MAN2A1: variants seen among roughly 807,000 people sequenced by gnomAD.
MAN2A1 encodes the protein alpha-mannosidase 2.
Under a neutral mutation model 142.6 loss-of-function variants are expected in MAN2A1, and 76 were observed. That is an observed-to-expected ratio of 0.53 (90% CI 0.44 to 0.65). The LOEUF (loss-of-function observed/expected upper bound fraction) is 0.65, where lower values mean the gene tolerates loss of function less well. Ranked by LOEUF, MAN2A1 falls within the 30% of genes least tolerant of loss-of-function variation. The pLI is 0.00. For synonymous variants in MAN2A1, 559 were observed against 473.2 expected, an observed-to-expected ratio of 1.18 and a Z score of -2.35; for missense variants, 1,311 against 1,365.1, an observed-to-expected ratio of 0.96 and a Z score of 0.62.
At position 109,689,997 on chromosome 5, in the gene MAN2A1, T is replaced by A. The variant is rs1162127997; in HGVS notation, c.-421T>A. ...GGAGCTGCCGAACCCGCGCCTCCCC[T>A]GGGTGAGGAGGACACGCCTGCCCTC... On this transcript the variant is annotated 5_prime_UTR_variant, in exon 1 of 22. Transcript: ENST00000261483. 2.9e-5 allele frequency: 5 copies of A among 174,568 alleles called. No individual in the cohort carries two copies. In the East Asian group the frequency reaches 6.5e-4, roughly 23 times the overall value. The allele number at this position is 174,568 out of a possible 1,614,324, so 10.8% of individuals were successfully genotyped here.
In MAN2A1 at chr5:109,698,604, C is replaced by T. The variant is rs189858976; in HGVS notation, c.135+8052C>T. 1.8e-3 allele frequency among the ~76,000 whole-genome samples: 267 copies of T among 152,222 alleles called. 1 individual carries two copies. The highest frequency in any genetic ancestry group is 0.014 in the Middle Eastern group (4 of 294). On this transcript the variant is annotated intron_variant, in intron 1 of 21. Transcript: ENST00000261483. ...TATTTTTCACATGTAAATGGATTTA[C>T]CACTGGCCTCCTTTGCAGGTGGTGC... is the stretch of plus-strand genomic sequence containing the variant.
At chr5:109,794,936 C>CAAGT (rs1190305273) in intron 12 of MAN2A1, among the ~76,000 whole-genome samples, 1 of 151,922 alleles carries the variant, frequency 6.6e-6, no homozygotes, top group Non-Finnish European at 1.5e-5. Context: ...AAGCACTTTT[C>CAAGT]ATCTTGTCTG....
chr5:109,868,954 A>T lies in MAN2A1; in HGVS notation c.*1956A>T, dbSNP rs1029240011. The stretch of plus-strand genomic sequence containing the variant: ...CAGATGAAATAAAAAAAAAATCTTG[A>T]TGCAATAACAGTGGTTTTGCCACTT... On this transcript the variant is annotated 3_prime_UTR_variant, in exon 22 of 22. Transcript: ENST00000261483. The T allele has an allele frequency of 6.6e-6, 1 of 152,066 alleles. No individual in the cohort carries two copies. Among genetic ancestry groups the T allele is most frequent in the African/African-American group, 2.4e-5 (1 of 41,416 alleles). The allele number at this position is 152,066 out of a possible 1,614,324, so 9.4% of individuals were successfully genotyped here. A position where few individuals can be genotyped will look rare whatever the true frequency, so the allele number is the denominator to read the frequency against.
intron 20 of MAN2A1, among the ~76,000 whole-genome samples, chr5:109,859,171 G>A (rs1755695253): frequency 6.6e-6 from 1 of 152,214 alleles, no homozygotes; most frequent in South Asian, 2.1e-4. Flanking sequence ...TCACCCAGTG[G>A]TAAATGGCAG....
chr5:109,703,058 G>A lies in MAN2A1; in HGVS notation c.136-10462G>A, dbSNP rs150700402. Among the ~76,000 whole-genome samples, 265 of 152,226 alleles carry A rather than the reference G, an allele frequency of 1.7e-3. 1 individual carries two copies. Among genetic ancestry groups the A allele is most frequent in the African/African-American group, 6.2e-3 (256 of 41,542 alleles). ...TGATTAGTATAAATAAGGTTGAAGG[G>A]GGGTTGATTATCTACTTAATACAAC... is the stretch of plus-strand genomic sequence containing the variant. On this transcript the variant is annotated intron_variant, in intron 1 of 21. Coordinates refer to ENST00000261483, the MANE Select transcript of MAN2A1 (RefSeq NM_002372.4).
chr5:109,690,903 G>A (rs554079170), intron 1 of MAN2A1, among the ~76,000 whole-genome samples: 50 of 152,296 alleles, frequency 3.3e-4, no homozygotes, highest in African/African-American at 1.2e-3. Flanking sequence ...CGGGGCCCGC[G>A]TATCCCGGTG....
In MAN2A1 at chr5:109,836,905, G is replaced by A. The variant is rs555171631; in HGVS notation, c.2567-5423G>A. 3.3e-5 allele frequency among the ~76,000 whole-genome samples: 5 copies of A among 151,988 alleles called. 1 individual carries two copies. In the South Asian group the frequency reaches 1.0e-3, roughly 32 times the overall value. ...TAGAAAAGTATAGTATTGTGTTTGT[G>A]TCGATTTTCAGCATAGTTTATCATG... On this transcript the variant is annotated intron_variant, in intron 16 of 21. Transcript: ENST00000261483.
chr5:109,755,480 T>C (rs750402464), intron 5 of MAN2A1, 24 bp downstream of exon 5: 8 of 1,590,068 alleles, frequency 5.0e-6, no homozygotes, highest in Non-Finnish European at 6.0e-6. Flanking sequence ...TATTCTTTAT[T>C]TGGGCTATTT....
intron 16 of MAN2A1, among the ~76,000 whole-genome samples, chr5:109,841,358 A>T (rs931626153): frequency 6.6e-6 from 1 of 152,124 alleles, no homozygotes; most frequent in Non-Finnish European, 1.5e-5. Context: ...TTGCATCCTC[A>T]TAGCTTAGCT....
chr5:109,767,558 G>T lies in MAN2A1; in HGVS notation c.859G>T (p.Ala287Ser), dbSNP rs775436901. 2 of 1,612,988 alleles carry T rather than the reference G, an allele frequency of 1.2e-6. No homozygotes were observed. Among genetic ancestry groups the T allele is most frequent in the Admixed American group, 3.3e-5 (2 of 59,846 alleles). The change falls in exon 6 of 22, where the codon GCT becomes TCT. Residue 287 changes from alanine to serine, a missense_variant. Around this residue, in one of 3 missense-constraint regions of MAN2A1, gnomAD observed 409 missense variants for 412.7 expected, o/e 0.99. Coordinates refer to ENST00000261483, the MANE Select transcript of MAN2A1 (RefSeq NM_002372.4). Reference sequence around the variant, plus strand: ...AGGAGTGAAACCTCGGTCCGGCTGGGCTATTGATCCCTTTGGACACTCACC... The same window carrying T: ...AGGAGTGAAACCTCGGTCCGGCTGGTCTATTGATCCCTTTGGACACTCACC... ...NIGVKPRSGW[A>S]IDPFGHSPTM...
At chr5:109,796,450 C>T (rs1398265368) in intron 12 of MAN2A1, among the ~76,000 whole-genome samples, 9 of 152,170 alleles carry the variant, frequency 5.9e-5, no homozygotes, top group Admixed American at 5.9e-4. Flanking sequence ...CTTTTATTTT[C>T]AGCTCAACTT....
At chr5:109,714,509 T>C (rs1407097155) in intron 2 of MAN2A1, among the ~76,000 whole-genome samples, 3 of 152,212 alleles carry the variant, frequency 2.0e-5, no homozygotes, top group African/African-American at 7.2e-5. Flanking sequence ...GACAGCGCTA[T>C]TATAGAGGGC....
At chr5:109,814,721 G>C (rs570909194) in intron 12 of MAN2A1, among the ~76,000 whole-genome samples, 1 of 152,144 alleles carries the variant, frequency 6.6e-6, no homozygotes, top group South Asian at 2.1e-4. Context: ...ATTATAAAAA[G>C]TGATTTAATA....
At chr5:109,819,464 A>ATTTTTTG (rs1432389622) in intron 13 of MAN2A1, among the ~76,000 whole-genome samples, 1 of 151,514 alleles carries the variant, frequency 6.6e-6, no homozygotes. Flanking sequence ...TTTTATTTGT[A>ATTTTTTG]TTTTTTGTTT....
chr5:109,701,546 T>G (rs1021178464), intron 1 of MAN2A1, among the ~76,000 whole-genome samples: 24 of 152,182 alleles, frequency 1.6e-4, no homozygotes, highest in African/African-American at 5.1e-4. Context: ...GAATTAATTT[T>G]GTAGAAAATT....
intron 5 of MAN2A1, among the ~76,000 whole-genome samples, chr5:109,756,682 T>C (rs1389546021): frequency 6.6e-6 from 1 of 152,204 alleles, no homozygotes; most frequent in Non-Finnish European, 1.5e-5. Flanking sequence ...TTTGGAAGCA[T>C]GTTGCAGGTA....
chr5:109,759,605 T>A (rs1752780593), intron 5 of MAN2A1, among the ~76,000 whole-genome samples: 1 of 152,114 alleles, frequency 6.6e-6, no homozygotes, highest in Non-Finnish European at 1.5e-5. Context: ...TCTCTTGGAG[T>A]GAAATGTTTA....
rs1752011259 is a variant in MAN2A1 at position 109,734,163 on chromosome 5, G to A, written c.707+4650G>A. ...GTTTATTTGCGTAGAGGTGTTTGTA[G>A]TATTCTCTGATGGTAGTTTGTATTT... On this transcript the variant is annotated intron_variant, in intron 4 of 21. Transcript: ENST00000261483. 2.0e-5 allele frequency among the ~76,000 whole-genome samples: 3 copies of A among 151,720 alleles called. No individual in the cohort carries two copies. In the South Asian group the frequency reaches 6.2e-4, roughly 31 times the overall value.
chr5:109,784,403 GAC>G lies in MAN2A1; in HGVS notation c.1578-339_1578-338del, dbSNP rs372317941. Among the ~76,000 whole-genome samples the G allele has an allele frequency of 3.6e-4, 55 of 152,202 alleles. 1 individual carries two copies. The South Asian group carries it at 0.011, about 32-fold the overall frequency. ...TGTGTTGCTCTTGGAGAGAAGAAAG[GAC>G]AGAGAAATTTATCCAATTTTTCAGA... On this transcript the variant is annotated intron_variant, in intron 9 of 21. Transcript: ENST00000261483.
Sources: allele counts gnomAD v4.1 joint callset (sites outside exome capture counted in the v4.1 genomes callset), GRCh38; gene constraint gnomAD v4.1.1; regional missense constraint gnomAD v4.1.1; transcripts MANE v1.5; gene names NCBI Gene and HGNC (gene_info 2026-07-23, HGNC 2026-07-21).